The following ATP6V1C1 variants were observed in gnomAD, a reference collection of about 807,000 sequenced individuals.
ATP6V1C1 encodes the protein V-type proton ATPase subunit C 1.
ATP6V1C1 carries 45 observed loss-of-function variants against 53.9 expected under a neutral mutation model. The ratio of observed to expected loss-of-function variants is 0.83; its 90% confidence interval spans 0.66 to 1.07. The LOEUF (loss-of-function observed/expected upper bound fraction) is 1.07. Ranked by LOEUF, ATP6V1C1 falls within the 50% of genes least tolerant of loss-of-function variation. ATP6V1C1 has a pLI of 0.00. For missense variants in ATP6V1C1, 315 were observed against 440.3 expected (o/e 0.72, Z 2.55); for synonymous variants, 153 against 155.2 (o/e 0.99, Z 0.11).
At chr8:103,026,669 T>C (rs1409646808) in intron 1 of ATP6V1C1, among the ~76,000 whole-genome samples, 2 of 151,926 alleles carry the variant, frequency 1.3e-5, no homozygotes, top group African/African-American at 4.8e-5. Flanking sequence ...AAAAAATAGC[T>C]GGGCATGGTG....
chr8:103,046,154 A>C (rs1460219331), intron 3 of ATP6V1C1, among the ~76,000 whole-genome samples: 1 of 152,126 alleles, frequency 6.6e-6, no homozygotes, highest in Non-Finnish European at 1.5e-5. Flanking sequence ...CTTTATCTTT[A>C]AATTGTTAAT....
chr8:103,023,231 A>C (rs1563598340), intron 1 of ATP6V1C1, among the ~76,000 whole-genome samples: 1 of 151,038 alleles, frequency 6.6e-6, no homozygotes, highest in African/African-American at 2.4e-5. Flanking sequence ...TTCTAAAAAC[A>C]GAGGGAAGCC....
At chr8:103,066,937 G>A (rs1446500224) in intron 12 of ATP6V1C1, among the ~76,000 whole-genome samples, 3 of 150,676 alleles carry the variant, frequency 2.0e-5, no homozygotes, top group Non-Finnish European at 2.9e-5. Context: ...CCAGGCCTTC[G>A]AGACCAACCT....
intron 1 of ATP6V1C1, among the ~76,000 whole-genome samples, chr8:103,027,504 T>G (rs555138470): frequency 6.6e-6 from 1 of 152,262 alleles, no homozygotes; most frequent in African/African-American, 2.4e-5. Flanking sequence ...CCCCTCACCT[T>G]TTATGTTGTA....
At chr8:103,067,203 G>A (rs368280660) in intron 12 of ATP6V1C1, among the ~76,000 whole-genome samples, 3 of 151,614 alleles carry the variant, frequency 2.0e-5, no homozygotes, top group Non-Finnish European at 2.9e-5. Context: ...GTTTGAGACC[G>A]GCCTGGCCAA....
chr8:103,021,812 GAACAA>G (rs1314050523), intron 1 of ATP6V1C1, among the ~76,000 whole-genome samples: 2 of 152,088 alleles, frequency 1.3e-5, no homozygotes, highest in Non-Finnish European at 2.9e-5. Flanking sequence ...AAACAAAACA[GAACAA>G]AACAAAACAA....
chr8:103,064,250 G>A (rs1170036665), intron 10 of ATP6V1C1, among the ~76,000 whole-genome samples: 1 of 152,078 alleles, frequency 6.6e-6, no homozygotes, highest in Admixed American at 6.5e-5. Context: ...TTTACAGATG[G>A]GAAAACTAAG....
chr8:103,043,332 G>GT (rs1206052731), intron 3 of ATP6V1C1, among the ~76,000 whole-genome samples: 11 of 151,040 alleles, frequency 7.3e-5, no homozygotes, highest in South Asian at 2.1e-4. Context: ...TGTTTTTTTT[G>GT]TTTTTTTTGA....
Position 103,071,369 on chromosome 8 carries a change from G to C in ATP6V1C1, c.*2622G>C, listed in dbSNP as rs936901798. The C allele has an allele frequency of 6.6e-6, 1 of 152,144 alleles. No individual in the cohort carries two copies. The highest frequency in any genetic ancestry group is 1.5e-5 in the Non-Finnish European group (1 of 68,038). The allele number at this position is 152,144 out of a possible 1,614,324, so 9.4% of individuals were successfully genotyped here. A position where few individuals can be genotyped will look rare whatever the true frequency, so the allele number is the denominator to read the frequency against. The stretch of plus-strand genomic sequence containing the variant: ...GAGTACTGGCGGTCCCCATTTTCAT[G>C]TATGGAGACTTCAGGTGAAAGAAGT... On this transcript the variant is annotated 3_prime_UTR_variant, in exon 13 of 13. Transcript: ENST00000518738.
intron 7 of ATP6V1C1, 80 bp downstream of exon 7, chr8:103,054,062 T>C: frequency 3.5e-6 from 4 of 1,135,466 alleles, no homozygotes; most frequent in Non-Finnish European, 3.8e-6. Flanking sequence ...GTTTGAAGTT[T>C]TCCATAAAAT....
Position 103,070,189 on chromosome 8 carries a change from TTGAG to T in ATP6V1C1, c.*1445_*1448del, listed in dbSNP as rs1357457934. On this transcript the variant is annotated 3_prime_UTR_variant, in exon 13 of 13. Transcript: ENST00000518738. The stretch of plus-strand genomic sequence containing the variant: ...TTTTAACTGGCTGCGTGGCGTTCCA[TTGAG>T]TGTCTGTCATCATGTGTTTAGCCGA... The T allele has an allele frequency of 3.3e-5, 5 of 152,294 alleles. No individual in the cohort carries two copies. The highest frequency in any genetic ancestry group is 7.3e-5 in the Non-Finnish European group (5 of 68,048). The allele number at this position is 152,294 out of a possible 1,614,324, so 9.4% of individuals were successfully genotyped here.
chr8:103,030,767 T>C (rs549148647), intron 1 of ATP6V1C1, among the ~76,000 whole-genome samples: 1 of 151,634 alleles, frequency 6.6e-6, no homozygotes, highest in African/African-American at 2.4e-5. Context: ...CAGAAACTTA[T>C]GGGGGGGGTC....
intron 1 of ATP6V1C1, among the ~76,000 whole-genome samples, chr8:103,036,408 T>C (rs1365417345): frequency 1.3e-5 from 2 of 152,184 alleles, no homozygotes; most frequent in African/African-American, 4.8e-5. Context: ...GCTAGAATTA[T>C]GAGCACAGTG....
chr8:103,053,519 A>G (rs1315744536), intron 6 of ATP6V1C1, among the ~76,000 whole-genome samples: 37 of 152,010 alleles, frequency 2.4e-4, no homozygotes, highest in Admixed American at 2.4e-3. Flanking sequence ...GAAGAACACT[A>G]AAGGTATTGT....
chr8:103,024,296 C>T (rs919931955), intron 1 of ATP6V1C1, among the ~76,000 whole-genome samples: 1 of 152,140 alleles, frequency 6.6e-6, no homozygotes, highest in Non-Finnish European at 1.5e-5. Context: ...ACAAAATACT[C>T]ATTTTTATTT....
chr8:103,065,815 G>T (rs966757488), intron 11 of ATP6V1C1, among the ~76,000 whole-genome samples: 3 of 152,054 alleles, frequency 2.0e-5, no homozygotes, highest in Non-Finnish European at 2.9e-5. Context: ...AGGCCAAGGC[G>T]GGCAGATCAT....
chr8:103,036,059 G>C (rs916836366), intron 1 of ATP6V1C1, among the ~76,000 whole-genome samples: 5 of 152,186 alleles, frequency 3.3e-5, no homozygotes, highest in African/African-American at 7.2e-5. Context: ...GAACCAAACA[G>C]GGTGAAGGTG....
At position 103,068,634 on chromosome 8, in the gene ATP6V1C1, T is replaced by C. The variant is rs779735054; in HGVS notation, c.1054-18T>C. 58 of 1,543,762 alleles carry C rather than the reference T, an allele frequency of 3.8e-5. No individual in the cohort carries two copies. Among genetic ancestry groups the C allele is most frequent in the Non-Finnish European group, 5.0e-5 (57 of 1,135,384 alleles). ...TTCTGTAAATACAAAATTGAATAAT[T>C]GTCTGTTTTTTCCATAGGCTCCTAT... is the stretch of plus-strand genomic sequence containing the variant. On this transcript the variant is annotated intron_variant, in intron 12 of 12. Coordinates refer to ENST00000518738, the MANE Select transcript of ATP6V1C1 (RefSeq NM_001695.5).
At chr8:103,039,352 C>T (rs1255846890) in intron 1 of ATP6V1C1, among the ~76,000 whole-genome samples, 2 of 152,148 alleles carry the variant, frequency 1.3e-5, no homozygotes, top group Non-Finnish European at 2.9e-5. Flanking sequence ...ATTACCTACT[C>T]ATAGGTACTT....
Sources: allele counts gnomAD v4.1 joint callset (sites outside exome capture counted in the v4.1 genomes callset), GRCh38; gene constraint gnomAD v4.1.1; transcripts MANE v1.5; gene names NCBI Gene and HGNC (gene_info 2026-07-23, HGNC 2026-07-21).